The following CIT variants were observed in gnomAD, a reference collection of about 807,000 sequenced individuals.
CIT encodes citron Rho-interacting kinase.
A neutral mutation model predicts 272.7 loss-of-function variants in CIT; 79 were observed. The observed-to-expected ratio is 0.29, with a 90% CI of 0.24 to 0.35. CIT has a LOEUF of 0.35. Ranked by LOEUF, CIT falls within the 10% of genes least tolerant of loss-of-function variation. The pLI, the probability that CIT is intolerant of heterozygous loss-of-function variation, is 1.00. For synonymous variants in CIT, 948 were observed against 995.6 expected (o/e 0.95, Z 0.90); for missense variants, 1,909 against 2,618.3 (o/e 0.73, Z 5.91).
Position 119,717,639 on chromosome 12 carries a change from T to C in CIT, c.4168+606A>G, listed in dbSNP as rs557988509. 3.3e-5 allele frequency among the ~76,000 whole-genome samples: 5 copies of C among 151,252 alleles called. No homozygotes were observed. In the East Asian group the frequency reaches 9.8e-4, roughly 29 times the overall value. On this transcript the variant is annotated intron_variant, in intron 32 of 47. Transcript: ENST00000392521. ...TTTCACCATGTTGGCCAGGCTGGTC[T>C]CAAACTCCTGACCTCAGGTGATCCG...
rs755212468 is a variant in CIT, at chr12:119,825,185, T to C, written c.937A>G (p.Asn313Asp). The change falls in exon 8 of 48, where the codon AAT becomes GAT. Residue 313 changes from asparagine (N) to aspartate (D), a missense_variant. Asn to Asp is a conservative substitution (Grantham distance 23, BLOSUM62 1). This residue lies in a region of CIT where 529 missense variants were observed against 549.6 expected (regional missense o/e 0.96). Coordinates refer to ENST00000392521, the MANE Select transcript of CIT (RefSeq NM_001206999.2). ...TTTACCTGGAAATTCATAATGTTAT[T>C]GAAGGTTCTGGCAGAGGTTCCCTCT... ...FAEGTSARTFNNIMNFQRFLK... is the reference protein window; with the variant it reads ...FAEGTSARTFDNIMNFQRFLK... 16 of 1,613,638 alleles carry C rather than the reference T, an allele frequency of 9.9e-6. No homozygotes were observed. The highest frequency in any genetic ancestry group is 1.7e-5 in the Admixed American group (1 of 59,910).
intron 3 of CIT, among the ~76,000 whole-genome samples, chr12:119,859,212 C>A (rs1177262657): frequency 6.6e-6 from 1 of 152,174 alleles, no homozygotes; most frequent in African/African-American, 2.4e-5. Flanking sequence ...AAGGGCAATG[C>A]AATGCTTATA....
At chr12:119,693,000 A>G (rs895917929) in intron 46 of CIT, among the ~76,000 whole-genome samples, 5 of 152,148 alleles carry the variant, frequency 3.3e-5, no homozygotes, top group Admixed American at 2.0e-4. Context: ...GGAGAACTAC[A>G]TTAAGCCTAC....
chr12:119,854,244 T>A (rs1593963316), intron 4 of CIT, among the ~76,000 whole-genome samples: 1 of 150,542 alleles, frequency 6.6e-6, no homozygotes, highest in Admixed American at 6.6e-5. Flanking sequence ...GTCAGGCTGG[T>A]CTCAAACTCC....
At chr12:119,870,126 T>A (rs1047094572) in intron 2 of CIT, among the ~76,000 whole-genome samples, 1 of 152,218 alleles carries the variant, frequency 6.6e-6, no homozygotes, top group Non-Finnish European at 1.5e-5. Context: ...TGTAGGCACA[T>A]GCTACTCCTT....
intron 5 of CIT, among the ~76,000 whole-genome samples, chr12:119,837,390 G>A (rs1593911245): frequency 6.6e-6 from 1 of 152,276 alleles, no homozygotes; most frequent in Non-Finnish European, 1.5e-5. Context: ...AAAGACCCAG[G>A]ACTTGAGTGC....
At position 119,770,851 on chromosome 12, in the gene CIT, T is replaced by C. The variant is rs772714797; in HGVS notation, c.2142A>G (p.Glu714=). The stretch of plus-strand genomic sequence containing the variant: ...TCTGGATGTCATCCTTCAGTCTGTT[T>C]TCTCTACGCTCCATGGTCTCTAGTC... ...VKRLETMERR[E]NRLKDDIQTK... Residue 714 remains glutamate, a synonymous_variant, in exon 18 of 48, where the codon GAA becomes GAG. Coordinates refer to ENST00000392521, the MANE Select transcript of CIT (RefSeq NM_001206999.2). The surrounding 1 kb of genome is among the most constrained non-coding windows in gnomAD (Gnocchi z 4.4). 1 of 1,612,806 alleles carries C rather than the reference T, an allele frequency of 6.2e-7. No homozygotes were observed.
chr12:119,788,636 G>A (rs1965017711), intron 10 of CIT, among the ~76,000 whole-genome samples: 2 of 152,100 alleles, frequency 1.3e-5, no homozygotes, highest in South Asian at 4.1e-4. Context: ...ACCGCTGTGG[G>A]TACAAAACAG....
chr12:119,850,297 T>C, intron 4 of CIT, 22 bp from the exon 5 acceptor site: 2 of 1,472,470 alleles, frequency 1.4e-6, no homozygotes, highest in South Asian at 1.1e-5. Context: ...AGAAACTGCT[T>C]AGACAATTAT....
chr12:119,818,711 G>A (rs1383835071), intron 9 of CIT, among the ~76,000 whole-genome samples: 1 of 152,186 alleles, frequency 6.6e-6, no homozygotes, highest in East Asian at 1.9e-4. Context: ...AAAAGCCCAT[G>A]TCAGACGCAA....
intron 2 of CIT, among the ~76,000 whole-genome samples, chr12:119,871,418 G>C (rs894981396): frequency 1.3e-5 from 2 of 152,074 alleles, no homozygotes; most frequent in African/African-American, 4.8e-5. Flanking sequence ...GAAACAGACC[G>C]GCTGCATTTG....
chr12:119,776,707 G>A lies in CIT; in HGVS notation c.1801C>T (p.Arg601Trp), dbSNP rs774424489. 24 of 1,613,708 alleles carry A rather than the reference G, an allele frequency of 1.5e-5. No homozygotes were observed. Among genetic ancestry groups the A allele is most frequent in the East Asian group, 8.9e-5 (4 of 44,832 alleles). The part of the protein sequence containing the change: ...ESRLAAEEFK[R>W]KATECQHKLL... ...TTATGCTGACATTCTGTCGCTTTCC[G>A]CTTGAATTCTTCAGCAGCAAGCCGA... Residue 601 changes from arginine to tryptophan, a missense_variant, in exon 14 of 48, where the codon CGG becomes TGG. Transcript: ENST00000392521.
At chr12:119,840,357 C>G (rs978673347) in intron 5 of CIT, among the ~76,000 whole-genome samples, 1 of 152,136 alleles carries the variant, frequency 6.6e-6, no homozygotes, top group Non-Finnish European at 1.5e-5. Context: ...GGCCCCACCC[C>G]AGACCTACTG....
At chr12:119,825,909 A>G (rs1339431272) in intron 7 of CIT, among the ~76,000 whole-genome samples, 2 of 152,170 alleles carry the variant, frequency 1.3e-5, no homozygotes, top group Non-Finnish European at 2.9e-5. Context: ...CTCTATTAAA[A>G]ATACAAAAAT....
At chr12:119,813,497 A>T (rs1454019593) in intron 9 of CIT, among the ~76,000 whole-genome samples, 1 of 152,174 alleles carries the variant, frequency 6.6e-6, no homozygotes, top group Non-Finnish European at 1.5e-5. Flanking sequence ...ACACTCATAG[A>T]ATTGATTAGA....
At position 119,829,388 on chromosome 12, in the gene CIT, A is replaced by AGAGAAGAGAAGAGAAGAGAG. The variant is rs1968441348; in HGVS notation, c.753+3382_753+3383insCTCTCTTCTCTTCTCTTCTC. ...AGAGAAGAGAAGAGAAGAGAAGAGA[A>AGAGAAGAGAAGAGAAGAGAG]GAGAAGAGAAGAGAAGAGCTTACAA... On this transcript the variant is annotated intron_variant, in intron 7 of 47. Transcript: ENST00000392521. 2.0e-5 allele frequency among the ~76,000 whole-genome samples: 3 copies of AGAGAAGAGAAGAGAAGAGAG among 147,058 alleles called. No homozygotes were observed. The South Asian group carries it at 6.3e-4, about 31-fold the overall frequency.
intron 47 of CIT, among the ~76,000 whole-genome samples, chr12:119,689,230 AAGTT>A (rs1280852252): frequency 1.3e-5 from 2 of 150,562 alleles, no homozygotes; most frequent in Admixed American, 6.6e-5. Context: ...GTGGGGGAAA[AAGTT>A]AGCCAGACAT....
rs1196123788 is a variant in CIT at position 119,803,408 on chromosome 12, G to A, written c.1112-19C>T. 6 of 1,521,344 alleles carry A rather than the reference G, an allele frequency of 3.9e-6. No individual in the cohort carries two copies. In the East Asian group the frequency reaches 1.4e-4, roughly 37 times the overall value. 94.2% of individuals were successfully genotyped at this position (1,521,344 alleles called of 1,614,324 possible). A position where few individuals can be genotyped will look rare whatever the true frequency, so the allele number is the denominator to read the frequency against. ...GGAGGAGCTGGTTAAAGAAAAACAA[G>A]AAAGGAGGCGGGGAGGAAAAAAAAT... On this transcript the variant is annotated intron_variant, in intron 9 of 47. Coordinates refer to ENST00000392521, the MANE Select transcript of CIT (RefSeq NM_001206999.2).
chr12:119,822,988 A>G lies in CIT; in HGVS notation c.958-15T>C. The G allele has an allele frequency of 1.9e-6, 3 of 1,598,832 alleles. No homozygotes were observed. Among genetic ancestry groups the G allele is most frequent in the South Asian group, 1.1e-5 (1 of 87,922 alleles). ...TTCAAAAACCGCTGTTCCAAAAAAA[A>G]TAAGAGAATTATTTCCTTAGTAGGG... On this transcript the variant is annotated splice_polypyrimidine_tract_variant and intron_variant, in intron 8 of 47. Coordinates refer to ENST00000392521, the MANE Select transcript of CIT (RefSeq NM_001206999.2).
Sources: allele counts gnomAD v4.1 joint callset (sites outside exome capture counted in the v4.1 genomes callset), GRCh38; gene constraint gnomAD v4.1.1; regional missense constraint gnomAD v4.1.1; non-coding constraint Gnocchi (gnomAD v3.1); transcripts MANE v1.5; gene names NCBI Gene and HGNC (gene_info 2026-07-23, HGNC 2026-07-21).